The following FBN1 variants were observed in gnomAD, a reference collection of about 807,000 sequenced individuals.
The protein encoded by FBN1 is fibrillin-1.
FBN1 carries 29 observed loss-of-function variants against 365.1 expected under a neutral mutation model. The ratio of observed to expected loss-of-function variants is 0.08; its 90% CI spans 0.06 to 0.11. The LOEUF is 0.11. Ranked by LOEUF, FBN1 falls within the 10% of genes least tolerant of loss-of-function variation. The probability of loss-of-function intolerance (pLI) is 1.00; values close to 1 mark genes in which losing one functional copy is unlikely to be tolerated. For missense variants in FBN1, 2,476 were observed against 3,703.2 expected (o/e 0.67, Z 8.60); for synonymous variants, 1,210 against 1,270.5 (o/e 0.95, Z 1.01).
intron 47 of FBN1, among the ~76,000 whole-genome samples, chr15:48,446,428 T>C (rs2043159509): frequency 1.3e-5 from 2 of 152,188 alleles, no homozygotes; most frequent in South Asian, 4.1e-4. Flanking sequence ...TTTAGGTATG[T>C]ATGTGTAGGA....
intron 6 of FBN1, among the ~76,000 whole-genome samples, chr15:48,584,744 A>G (rs1203838987): frequency 6.6e-6 from 1 of 152,228 alleles, no homozygotes; most frequent in East Asian, 1.9e-4. Flanking sequence ...CTGAAAAAAT[A>G]AATAAATAAA....
At chr15:48,441,959 A>G (rs1168382607) in intron 49 of FBN1, 113 bp from the exon 50 acceptor site, 10 of 1,130,028 alleles carry the variant, frequency 8.8e-6, no homozygotes, top group Non-Finnish European at 1.3e-5. Context: ...CTCTTACAAT[A>G]ATAAAGGTAT....
At chr15:48,590,074 AGTTAGCCT>A (rs767944450) in intron 6 of FBN1, among the ~76,000 whole-genome samples, 98 of 152,332 alleles carry the variant, frequency 6.4e-4, no homozygotes, top group South Asian at 6.4e-3. Context: ...GGAGAATGGG[AGTTAGCCT>A]GTGGCATTAC....
chr15:48,509,837 C>A (rs2043743739), intron 14 of FBN1, among the ~76,000 whole-genome samples: 2 of 152,074 alleles, frequency 1.3e-5, no homozygotes, highest in African/African-American at 2.4e-5. Flanking sequence ...AAATGGCAAG[C>A]TCTCCTAGCA....
intron 6 of FBN1, among the ~76,000 whole-genome samples, chr15:48,553,239 A>G (rs1278619454): frequency 6.6e-6 from 1 of 152,202 alleles, no homozygotes; most frequent in Non-Finnish European, 1.5e-5. Context: ...GAAAGTAAAG[A>G]CCACCATCCC....
At chr15:48,526,735 T>C (rs74011849) in intron 8 of FBN1, among the ~76,000 whole-genome samples, 1,896 of 152,244 alleles carry the variant, frequency 0.012, 41 homozygotes, top group African/African-American at 0.044. Context: ...TGATCCCAAC[T>C]TGGCCAACTT....
At chr15:48,518,644 T>C (rs1180834113) in intron 10 of FBN1, among the ~76,000 whole-genome samples, 2 of 152,212 alleles carry the variant, frequency 1.3e-5, no homozygotes, top group Non-Finnish European at 2.9e-5. Flanking sequence ...TTAGTAATCT[T>C]CTCATTGCCC....
chr15:48,438,125 G>A (rs995988849), intron 50 of FBN1, among the ~76,000 whole-genome samples: 1 of 152,102 alleles, frequency 6.6e-6, no homozygotes, highest in Non-Finnish European at 1.5e-5. Flanking sequence ...ACAACTCTAT[G>A]AACTTAAATT....
intron 63 of FBN1, 151 bp downstream of exon 63, chr15:48,420,536 G>A: frequency 1.1e-6 from 1 of 950,128 alleles, no homozygotes; most frequent in Non-Finnish European, 1.7e-6. Context: ...TGCAAAGACT[G>A]TTACTTACCT....
intron 4 of FBN1, among the ~76,000 whole-genome samples, chr15:48,609,002 G>A (rs1415278558): frequency 6.6e-6 from 1 of 152,194 alleles, no homozygotes; most frequent in Non-Finnish European, 1.5e-5. Flanking sequence ...TTGTTAGTTG[G>A]TTCAGGGACC....
At chr15:48,645,096 A>T (rs538245487) in intron 1 of FBN1, 146 bp from the exon 2 acceptor site, 7 of 211,072 alleles carry the variant, frequency 3.3e-5, no homozygotes, top group African/African-American at 1.6e-4. Context: ...CGTTTGGTCC[A>T]CAGCTGGCTG....
intron 16 of FBN1, 40 bp downstream of exon 16, chr15:48,504,985 C>G: frequency 6.2e-7 from 1 of 1,613,034 alleles, no homozygotes; most frequent in African/African-American, 1.3e-5. Context: ...GTGACAGAGG[C>G]TGAACCTCTC....
chr15:48,541,685 T>C (rs753625570), intron 6 of FBN1, among the ~76,000 whole-genome samples: 2 of 152,044 alleles, frequency 1.3e-5, no homozygotes, highest in South Asian at 4.2e-4. Flanking sequence ...TTTACAATTA[T>C]TCCCATAGCA....
At chr15:48,414,181 A>G (rs2042884777) in intron 64 of FBN1, among the ~76,000 whole-genome samples, 1 of 152,218 alleles carries the variant, frequency 6.6e-6, no homozygotes, top group Non-Finnish European at 1.5e-5. Flanking sequence ...TTTGCTGGGA[A>G]GAAATGGTTC....
At chr15:48,449,898 C>T (rs1279164165) in intron 45 of FBN1, among the ~76,000 whole-genome samples, 1 of 152,140 alleles carries the variant, frequency 6.6e-6, no homozygotes, top group Non-Finnish European at 1.5e-5. Flanking sequence ...AGCAACCCTC[C>T]CTGTGCCAGA....
chr15:48,434,854 G>A lies in FBN1; in HGVS notation c.6497-141C>T, dbSNP rs938059143. 12 of 1,001,468 alleles carry A rather than the reference G, an allele frequency of 1.2e-5. No individual in the cohort carries two copies. In the African/African-American group the frequency reaches 1.4e-4, roughly 12 times the overall value. 62.0% of individuals were successfully genotyped at this position (1,001,468 alleles called of 1,614,324 possible). ...ACTTTGACATCCAGACTGCAGTGCT[G>A]TGGCGCGATTTCAGCTCATGCAAAC... On this transcript the variant is annotated intron_variant, in intron 53 of 65. Coordinates refer to ENST00000316623, the MANE Select transcript of FBN1 (RefSeq NM_000138.5).
chr15:48,512,734 C>T (rs1257304291), intron 13 of FBN1, among the ~76,000 whole-genome samples: 2 of 151,768 alleles, frequency 1.3e-5, no homozygotes, highest in East Asian at 1.9e-4. Flanking sequence ...ATTGATGGGC[C>T]CTTTTATTTA....
intron 2 of FBN1, 61 bp downstream of exon 2, chr15:48,644,545 C>G: frequency 1.2e-6 from 2 of 1,609,874 alleles, no homozygotes; most frequent in Non-Finnish European, 1.7e-6. Context: ...TCATCCTGCC[C>G]GTTGTTCTGG....
At chr15:48,527,556 C>T (rs979627967) in intron 8 of FBN1, among the ~76,000 whole-genome samples, 1 of 152,136 alleles carries the variant, frequency 6.6e-6, no homozygotes, top group African/African-American at 2.4e-5. Context: ...GCTTACAACC[C>T]CCAATAAGAA....
Sources: allele counts gnomAD v4.1 joint callset (sites outside exome capture counted in the v4.1 genomes callset), GRCh38; gene constraint gnomAD v4.1.1; transcripts MANE v1.5; gene names NCBI Gene and HGNC (gene_info 2026-07-23, HGNC 2026-07-21).